Variants in CBL observed in about 807,000 individuals in gnomAD.
The protein encoded by CBL is Cbl proto-oncogene.
CBL carries 45 observed loss-of-function variants against 96.9 expected under a neutral mutation model. That is an observed-to-expected ratio of 0.46 (90% CI 0.37 to 0.60). The LOEUF (loss-of-function observed/expected upper bound fraction) is 0.60, where lower values mean the gene tolerates loss of function less well. Among genes scored for constraint, CBL ranks in the 20% least tolerant of loss-of-function variants. The probability of loss-of-function intolerance (pLI) is 0.00; values close to 1 mark genes in which losing one functional copy is unlikely to be tolerated. For synonymous variants in CBL, 420 were observed against 426.8 expected, an observed-to-expected ratio of 0.98 and a Z score of 0.20; for missense variants, 1,024 against 1,143.5, an observed-to-expected ratio of 0.90 and a Z score of 1.51.
Position 119,243,423 on chromosome 11 carries a change from A to G in CBL, c.443+10728A>G, listed in dbSNP as rs1396342669. Among the ~76,000 whole-genome samples the G allele has an allele frequency of 3.3e-5, 5 of 151,614 alleles. No homozygotes were observed. The East Asian group carries it at 9.7e-4, about 29-fold the overall frequency. Reference sequence around the variant, plus strand: ...CGCTTCACCCTCCCAAAGTGCTGGGATTATAGGCATGAACCACTGCGCCCA... The same window carrying G: ...CGCTTCACCCTCCCAAAGTGCTGGGGTTATAGGCATGAACCACTGCGCCCA... On this transcript the variant is annotated intron_variant, in intron 2 of 15. Transcript: ENST00000264033.
chr11:119,264,541 G>A (rs1366131268), intron 2 of CBL, among the ~76,000 whole-genome samples: 3 of 151,230 alleles, frequency 2.0e-5, no homozygotes, highest in East Asian at 1.9e-4. Flanking sequence ...GGAATGCAGC[G>A]GCATGATCTC....
At chr11:119,250,094 C>T (rs7937454) in intron 2 of CBL, among the ~76,000 whole-genome samples, 89,497 of 151,908 alleles carry the variant, frequency 0.59, 27,195 homozygotes, top group East Asian at 0.87. Flanking sequence ...CATCGTTAAT[C>T]TTACCTTGTT....
intron 1 of CBL, among the ~76,000 whole-genome samples, chr11:119,209,586 T>C (rs923462248): frequency 1.3e-5 from 2 of 151,688 alleles, no homozygotes; most frequent in Non-Finnish European, 2.9e-5. Flanking sequence ...CACTGCACTC[T>C]AGCCTGAGCG....
chr11:119,273,476 G>C (rs181145716), intron 3 of CBL, among the ~76,000 whole-genome samples: 3 of 152,184 alleles, frequency 2.0e-5, no homozygotes, highest in African/African-American at 7.2e-5. Flanking sequence ...CCAGGCTGTA[G>C]TGCAGTGGCA....
intron 9 of CBL, among the ~76,000 whole-genome samples, chr11:119,284,296 C>T (rs1949963665): frequency 6.6e-6 from 1 of 151,896 alleles, no homozygotes; most frequent in African/African-American, 2.4e-5. Context: ...GCCCCACTGC[C>T]ATCCTTTTTT....
chr11:119,258,467 G>C (rs1011837680), intron 2 of CBL, among the ~76,000 whole-genome samples: 8 of 152,072 alleles, frequency 5.3e-5, no homozygotes, highest in African/African-American at 1.9e-4. Context: ...GATCTCCTGA[G>C]AACTCTATCA....
chr11:119,233,247 T>G (rs1949518419), intron 2 of CBL, among the ~76,000 whole-genome samples: 1 of 152,210 alleles, frequency 6.6e-6, no homozygotes, highest in South Asian at 2.1e-4. Context: ...TTCTTTTATA[T>G]TAATTTTATT....
chr11:119,297,527 G>C, intron 14 of CBL, 46 bp downstream of exon 14: 1 of 1,337,686 alleles, frequency 7.5e-7, no homozygotes, highest in Non-Finnish European at 1.1e-6. Context: ...TATGTCATAG[G>C]AATGAACATG....
At chr11:119,271,917 A>T in intron 3 of CBL, 36 bp downstream of exon 3, 3 of 1,600,552 alleles carry the variant, frequency 1.9e-6, no homozygotes, top group South Asian at 1.1e-5. Flanking sequence ...ACTATGAAAA[A>T]CTAAAGCTTA....
chr11:119,280,694 A>C (rs1202335110), intron 9 of CBL, among the ~76,000 whole-genome samples: 1 of 152,064 alleles, frequency 6.6e-6, no homozygotes, highest in East Asian at 1.9e-4. Context: ...CCTCGTTCAG[A>C]GTTTTAATTC....
At chr11:119,234,762 T>C (rs1002847870) in intron 2 of CBL, among the ~76,000 whole-genome samples, 2 of 152,234 alleles carry the variant, frequency 1.3e-5, no homozygotes, top group Non-Finnish European at 2.9e-5. Flanking sequence ...GCGAGAACTC[T>C]TCTTAAAATA....
intron 1 of CBL, among the ~76,000 whole-genome samples, chr11:119,223,064 C>T (rs1055215454): frequency 1.2e-4 from 18 of 151,820 alleles, no homozygotes; most frequent in African/African-American, 4.1e-4. Flanking sequence ...CCTGTAGTCC[C>T]GGCTACTTGG....
intron 3 of CBL, among the ~76,000 whole-genome samples, chr11:119,272,820 A>G (rs1949859091): frequency 6.6e-6 from 1 of 152,102 alleles, no homozygotes; most frequent in African/African-American, 2.4e-5. Context: ...ATAGGTTACT[A>G]GTTCTTTGTT....
intron 2 of CBL, among the ~76,000 whole-genome samples, chr11:119,241,728 A>AT (rs747812905): frequency 6.6e-6 from 1 of 152,252 alleles, no homozygotes; most frequent in African/African-American, 2.4e-5. Flanking sequence ...GTGGGAAGAG[A>AT]TTTTCACTTA....
rs1950092649 is a variant in CBL at position 119,300,282 on chromosome 11, G to A, written c.*501G>A. 2.2e-6 allele frequency: 1 copy of A among 444,842 alleles called. No individual in the cohort carries two copies. Among genetic ancestry groups the A allele is most frequent in the South Asian group, 7.5e-5 (1 of 13,342 alleles). The allele number at this position is 444,842 out of a possible 1,614,324, so 27.6% of individuals were successfully genotyped here. ...TTTTTTAAAGACTTCCATCTACTGT[G>A]GTATTATACCCAAGCCTAGTGTGTA... On this transcript the variant is annotated 3_prime_UTR_variant, in exon 16 of 16. Coordinates refer to ENST00000264033, the MANE Select transcript of CBL (RefSeq NM_005188.4).
intron 2 of CBL, among the ~76,000 whole-genome samples, chr11:119,237,420 G>A (rs553646348): frequency 2.3e-4 from 35 of 152,286 alleles, no homozygotes; most frequent in African/African-American, 8.2e-4. Context: ...TAATTATGGT[G>A]AAGACCAATA....
chr11:119,278,355 T>C (rs536310308), intron 8 of CBL, 58 bp downstream of exon 8: 1 of 1,597,308 alleles, frequency 6.3e-7, no homozygotes, highest in Admixed American at 1.7e-5. Context: ...AAATTCGGTA[T>C]TATATAGCCT....
intron 1 of CBL, among the ~76,000 whole-genome samples, chr11:119,230,719 T>G (rs1274757071): frequency 6.6e-6 from 1 of 152,222 alleles, no homozygotes; most frequent in African/African-American, 2.4e-5. Flanking sequence ...TATTCTTGAT[T>G]TGTAATGTCA....
intron 1 of CBL, among the ~76,000 whole-genome samples, chr11:119,216,957 T>C (rs1047339413): frequency 6.6e-6 from 1 of 152,240 alleles, no homozygotes; most frequent in African/African-American, 2.4e-5. Flanking sequence ...CTTTTCAGCA[T>C]GTCATCATGT....
Sources: gnomAD v4.1 joint callset for allele counts (sites outside exome capture counted in the v4.1 genomes callset) on GRCh38, gnomAD v4.1.1 for gene constraint, MANE v1.5 for transcripts, NCBI Gene and HGNC (gene_info 2026-07-23, HGNC 2026-07-21) for gene names.